SLCO2B1: variants seen among roughly 807,000 people sequenced by gnomAD.
SLCO2B1 encodes the protein OATP-RP2.
In SLCO2B1, 41 loss-of-function variants were observed where a neutral mutation model predicts 67.3. The observed-to-expected ratio is 0.61, with a 90% CI of 0.47 to 0.79. The LOEUF is 0.79. SLCO2B1 is among the 30% of genes least tolerant of loss of function. The pLI is 0.00. For synonymous variants in SLCO2B1, 379 were observed against 381.4 expected (o/e 0.99, Z 0.07); for missense variants, 837 against 920.1 (o/e 0.91, Z 1.17).
chr11:75,161,026 G>A (rs77021263), intron 1 of SLCO2B1, among the ~76,000 whole-genome samples: 3,851 of 152,242 alleles, frequency 0.025, 171 homozygotes, highest in African/African-American at 0.088. Context: ...TTCCTCACAT[G>A]GTTAAACATA....
intron 9 of SLCO2B1, among the ~76,000 whole-genome samples, chr11:75,194,349 T>A (rs772858042): frequency 6.6e-5 from 10 of 152,200 alleles, no homozygotes; most frequent in Non-Finnish European, 1.3e-4. Flanking sequence ...CAGGCTTAGG[T>A]TGGCCCAACA....
chr11:75,171,026 G>A (rs1372864734), intron 6 of SLCO2B1, among the ~76,000 whole-genome samples: 3 of 152,188 alleles, frequency 2.0e-5, no homozygotes, highest in Admixed American at 1.3e-4. Context: ...AGAGAGAAGC[G>A]GACGGGTTGG....
At position 75,169,540 on chromosome 11, in the gene SLCO2B1, C is replaced by A. The variant is rs1591816273; in HGVS notation, c.683-126C>A. ...TCTGGCCAGTAAAGGTCCAGGGAAGCCCTGGAGAGTTCCCCATCCCTGACC... is the reference window on the plus strand; with the variant it reads ...TCTGGCCAGTAAAGGTCCAGGGAAGACCTGGAGAGTTCCCCATCCCTGACC... On this transcript the variant is annotated intron_variant, in intron 5 of 13. Coordinates refer to ENST00000289575, the MANE Select transcript of SLCO2B1 (RefSeq NM_007256.5). 1.6e-5 allele frequency: 19 copies of A among 1,192,522 alleles called. No homozygotes were observed. The East Asian group carries it at 3.8e-4, about 24-fold the overall frequency. 73.9% of individuals were successfully genotyped at this position (1,192,522 alleles called of 1,614,324 possible). A position where few individuals can be genotyped will look rare whatever the true frequency, so the allele number is the denominator to read the frequency against.
rs549525405 is a variant in SLCO2B1, at chr11:75,179,093, T to A, written c.972+6524T>A. On this transcript the variant is annotated intron_variant, in intron 7 of 13. Transcript: ENST00000289575. ...ATAAGCGTGAGAGTGCAGATCTCTC[T>A]CCTTTCTTTCATTTAAATACATTCT... Among the ~76,000 whole-genome samples the A allele has an allele frequency of 2.0e-5, 3 of 152,276 alleles. No individual in the cohort carries two copies. The South Asian group carries it at 6.2e-4, about 32-fold the overall frequency.
intron 7 of SLCO2B1, among the ~76,000 whole-genome samples, chr11:75,184,163 G>T (rs149880971): frequency 1.3e-5 from 2 of 152,110 alleles, no homozygotes; most frequent in African/African-American, 4.8e-5. Flanking sequence ...GCCTGGCATT[G>T]GCTATACCCA....
intron 7 of SLCO2B1, among the ~76,000 whole-genome samples, chr11:75,185,257 G>A (rs1404411680): frequency 4.6e-5 from 7 of 152,282 alleles, no homozygotes; most frequent in Non-Finnish European, 1.0e-4. Flanking sequence ...AGAAGAAAGA[G>A]AAAGTGTCAG....
chr11:75,162,789 C>A lies in SLCO2B1; in HGVS notation c.147+4C>A. On this transcript the variant is annotated splice_donor_region_variant and intron_variant, in intron 2 of 13. Transcript: ENST00000289575. ...AAGTGTGTTCCATAACATCAAGGTA[C>A]CTCTCAGGGCCTGGCAGGGGCCTCC... is the stretch of plus-strand genomic sequence containing the variant. 3.1e-6 allele frequency: 5 copies of A among 1,611,948 alleles called. No homozygotes were observed. The highest frequency in any genetic ancestry group is 4.2e-6 in the Non-Finnish European group (5 of 1,179,252).
At chr11:75,186,937 C>A (rs1482520006) in intron 7 of SLCO2B1, among the ~76,000 whole-genome samples, 3 of 152,166 alleles carry the variant, frequency 2.0e-5, no homozygotes, top group Non-Finnish European at 4.4e-5. Flanking sequence ...GGCTCTGGAG[C>A]CAAGCCGTCT....
chr11:75,161,072 C>T (rs542148249), intron 1 of SLCO2B1, among the ~76,000 whole-genome samples: 37 of 152,292 alleles, frequency 2.4e-4, no homozygotes, highest in African/African-American at 3.4e-4. Context: ...CCAGCAATTC[C>T]GCTCCTAGGT....
At position 75,171,387 on chromosome 11, in the gene SLCO2B1, G is replaced by A. The variant is rs112753801; in HGVS notation, c.782-992G>A. 2.0e-5 allele frequency among the ~76,000 whole-genome samples: 3 copies of A among 152,122 alleles called. No individual in the cohort carries two copies. The South Asian group carries it at 6.2e-4, about 32-fold the overall frequency. ...TCTTCCCACCTCAGGCTCTTGAGTA[G>A]CTGAGACTGCAGGTGTGCACCATCA... is the stretch of plus-strand genomic sequence containing the variant. On this transcript the variant is annotated intron_variant, in intron 6 of 13. Coordinates refer to ENST00000289575, the MANE Select transcript of SLCO2B1 (RefSeq NM_007256.5).
Position 75,151,121 on chromosome 11 carries a change from AC to A in SLCO2B1, c.-258del, listed in dbSNP as rs1949682750. On this transcript the variant is annotated 5_prime_UTR_variant, in exon 1 of 14. Coordinates refer to ENST00000289575, the MANE Select transcript of SLCO2B1 (RefSeq NM_007256.5). Reference sequence around the variant, plus strand: ...AAGGGAGAGACAGAAGGAGCAAGTGACCCAGGGAGACAAACACTTGGAGATA... The same window carrying A: ...AAGGGAGAGACAGAAGGAGCAAGTGACCAGGGAGACAAACACTTGGAGATA... 6.0e-6 allele frequency: 3 copies of A among 497,148 alleles called. No individual in the cohort carries two copies. The highest frequency in any genetic ancestry group is 1.1e-5 in the Non-Finnish European group (3 of 279,978). The allele number at this position is 497,148 out of a possible 1,614,324, so 30.8% of individuals were successfully genotyped here.
intron 1 of SLCO2B1, among the ~76,000 whole-genome samples, chr11:75,159,191 G>A (rs746702933): frequency 4.7e-4 from 72 of 152,334 alleles, no homozygotes; most frequent in Admixed American, 1.4e-3. Flanking sequence ...AGGTGGACAC[G>A]ATGTGCCTGC....
chr11:75,200,001 C>T (rs1945157251), intron 10 of SLCO2B1: 3 of 518,766 alleles, frequency 5.8e-6, no homozygotes, highest in South Asian at 2.9e-5. Context: ...TCCCTGCCCA[C>T]CACCTCAGCC....
chr11:75,155,448 T>C (rs561887784), intron 1 of SLCO2B1, among the ~76,000 whole-genome samples: 2 of 152,246 alleles, frequency 1.3e-5, no homozygotes, highest in South Asian at 4.1e-4. Context: ...TTAGTTTAGT[T>C]CAATTCAACA....
chr11:75,198,851 G>A (rs1304251820), intron 10 of SLCO2B1, among the ~76,000 whole-genome samples: 1 of 152,198 alleles, frequency 6.6e-6, no homozygotes, highest in African/African-American at 2.4e-5. Flanking sequence ...GCCTGAACAG[G>A]TGTGGAGCTG....
chr11:75,153,471 G>T (rs1949714019), intron 1 of SLCO2B1, among the ~76,000 whole-genome samples: 1 of 152,200 alleles, frequency 6.6e-6, no homozygotes, highest in African/African-American at 2.4e-5. Flanking sequence ...CTCAGAGGGG[G>T]CAAGCAAGGT....
chr11:75,172,242 G>A (rs74824330), intron 6 of SLCO2B1, 137 bp from the exon 7 acceptor site: 4 of 722,154 alleles, frequency 5.5e-6, no homozygotes, highest in East Asian at 5.4e-5. Flanking sequence ...GACACACCTG[G>A]CAGAGCAGAC....
At chr11:75,155,483 G>C (rs1180391032) in intron 1 of SLCO2B1, among the ~76,000 whole-genome samples, 8 of 152,154 alleles carry the variant, frequency 5.3e-5, no homozygotes, top group Admixed American at 5.2e-4. Flanking sequence ...TTGAGACGGA[G>C]TTTCACTCTT....
At chr11:75,196,815 T>G in intron 10 of SLCO2B1, 136 bp downstream of exon 10, 1 of 824,292 alleles carries the variant, frequency 1.2e-6, no homozygotes, top group East Asian at 2.8e-5. Context: ...TGTTGGCAGA[T>G]GTAGAACATT....
Sources: allele counts gnomAD v4.1 joint callset (sites outside exome capture counted in the v4.1 genomes callset), GRCh38; gene constraint gnomAD v4.1.1; transcripts MANE v1.5; gene names NCBI Gene and HGNC (gene_info 2026-07-23, HGNC 2026-07-21).